CSN1S1: variants seen among roughly 807,000 people sequenced by gnomAD.
The protein encoded by CSN1S1 is alpha-S1-casein.
A neutral mutation model predicts 49.1 loss-of-function variants in CSN1S1; 63 were observed. That is an observed-to-expected ratio of 1.28 (90% CI 1.05 to 1.58). CSN1S1 has a LOEUF of 1.58. Among genes scored for constraint, CSN1S1 ranks in the 40% most tolerant of loss-of-function variants. The pLI is 0.00. For synonymous variants in CSN1S1, 78 were observed against 67.1 expected, an observed-to-expected ratio of 1.16 and a Z score of -0.79; for missense variants, 260 against 224.7, an observed-to-expected ratio of 1.16 and a Z score of -1.01.
intron 2 of CSN1S1, 52 bp downstream of exon 2, chr4:69,932,658 T>C: frequency 1.4e-6 from 2 of 1,439,564 alleles, no homozygotes; most frequent in Non-Finnish European, 1.9e-6. Flanking sequence ...AGAAATGACC[T>C]GACACTTCAT....
rs1480671930 is a variant in CSN1S1 at position 69,936,463 on chromosome 4, T to A, written c.137T>A (p.Met46Lys). 1 of 1,559,746 alleles carries A rather than the reference T, an allele frequency of 6.4e-7. No homozygotes were observed. ...TTCTTTTTTATCCCTAAGGAATACA[T>A]GAATGGTATGAACAGGGTAAGAAAC... Reference protein sequence around the residue: ...PIPLESREEYMNGMNRQRNIL... With the variant: ...PIPLESREEYKNGMNRQRNIL... Residue 46 changes from methionine (M) to lysine (K), a missense_variant, in exon 6 of 16, where the codon ATG becomes AAG. Transcript: ENST00000246891.
At chr4:69,938,654 A>G (rs1722883166) in intron 9 of CSN1S1, among the ~76,000 whole-genome samples, 1 of 151,772 alleles carries the variant, frequency 6.6e-6, no homozygotes, top group South Asian at 2.1e-4. Flanking sequence ...GTATATATAA[A>G]TATAAACATA....
chr4:69,941,141 C>A, intron 12 of CSN1S1, 81 bp downstream of exon 12: 1 of 615,262 alleles, frequency 1.6e-6, no homozygotes, highest in Non-Finnish European at 2.7e-6. Context: ...GGGGCCATTT[C>A]TAAATATATT....
chr4:69,936,631 G>A (rs1475892058), intron 7 of CSN1S1, 24 bp downstream of exon 7: 2 of 1,588,554 alleles, frequency 1.3e-6, no homozygotes, highest in South Asian at 1.1e-5. Context: ...TCTTGAAAGA[G>A]TATGGCAAAA....
intron 12 of CSN1S1, 89 bp from the exon 13 acceptor site, chr4:69,941,957 C>A: frequency 3.9e-6 from 3 of 777,144 alleles, no homozygotes; most frequent in East Asian, 2.8e-5. Context: ...TAACATTGTC[C>A]CTGAACAAAT....
intron 12 of CSN1S1, 131 bp from the exon 13 acceptor site, chr4:69,941,915 T>C (rs1722980767): frequency 2.0e-6 from 1 of 496,478 alleles, no homozygotes; most frequent in Non-Finnish European, 3.6e-6. Context: ...CTGAGAGATT[T>C]TGTAGTATTT....
intron 3 of CSN1S1, 102 bp downstream of exon 3, chr4:69,934,346 C>T: frequency 8.7e-7 from 1 of 1,150,960 alleles, no homozygotes; most frequent in East Asian, 2.4e-5. Flanking sequence ...TTCACTTTTG[C>T]TGACGCATCA....
chr4:69,941,874 C>A (rs1722978279), intron 12 of CSN1S1, among the ~76,000 whole-genome samples, 172 bp from the exon 13 acceptor site: 1 of 151,746 alleles, frequency 6.6e-6, no homozygotes, highest in South Asian at 2.1e-4. Flanking sequence ...TAGTCTGTAA[C>A]CTCCACAACT....
chr4:69,931,402 T>C (rs1194729303), intron 1 of CSN1S1, among the ~76,000 whole-genome samples: 1 of 151,916 alleles, frequency 6.6e-6, no homozygotes, highest in Admixed American at 6.6e-5. Flanking sequence ...AGGCTTGGGG[T>C]AAGCTAATTT....
intron 11 of CSN1S1, 56 bp from the exon 12 acceptor site, chr4:69,940,963 A>G: frequency 2.3e-6 from 2 of 856,032 alleles, no homozygotes; most frequent in Non-Finnish European, 3.7e-6. Context: ...TATGAAAATG[A>G]TGGGGTTGGA....
intron 14 of CSN1S1, among the ~76,000 whole-genome samples, chr4:69,944,544 C>T (rs1214548954): frequency 6.6e-6 from 1 of 151,904 alleles, no homozygotes; most frequent in Non-Finnish European, 1.5e-5. Flanking sequence ...TGCTACTACT[C>T]TCTTCTGGGC....
intron 15 of CSN1S1, among the ~76,000 whole-genome samples, chr4:69,945,249 A>G (rs1723125457): frequency 6.6e-6 from 1 of 152,000 alleles, no homozygotes; most frequent in Non-Finnish European, 1.5e-5. Context: ...TATTCTAATG[A>G]GCCTGGAAAA....
chr4:69,937,243 G>A (rs1372073895), intron 8 of CSN1S1, 99 bp downstream of exon 8: 9 of 870,862 alleles, frequency 1.0e-5, no homozygotes, highest in Non-Finnish European at 1.6e-5. Flanking sequence ...AACTATGGCA[G>A]ATAACTCTAA....
intron 15 of CSN1S1, among the ~76,000 whole-genome samples, chr4:69,945,689 T>C (rs144531070): frequency 2.0e-3 from 297 of 152,086 alleles, no homozygotes; most frequent in African/African-American, 6.9e-3. Flanking sequence ...CCTTGGTAAG[T>C]TTGGAAATTA....
At chr4:69,933,447 T>C (rs1722672172) in intron 2 of CSN1S1, among the ~76,000 whole-genome samples, 1 of 151,984 alleles carries the variant, frequency 6.6e-6, no homozygotes, top group Non-Finnish European at 1.5e-5. Flanking sequence ...AATTCTCCTT[T>C]GGAAAGTGCA....
At chr4:69,944,437 G>T (rs997983382) in intron 14 of CSN1S1, among the ~76,000 whole-genome samples, 1 of 151,812 alleles carries the variant, frequency 6.6e-6, no homozygotes, top group Non-Finnish European at 1.5e-5. Context: ...CCCTGGGTGC[G>T]GGGCCTGTAC....
At chr4:69,932,635 TTA>T in intron 2 of CSN1S1, 29 bp downstream of exon 2, 1 of 1,565,406 alleles carries the variant, frequency 6.4e-7, no homozygotes, top group Non-Finnish European at 8.7e-7. Context: ...TTAGAAAGTC[TTA>T]GACTCTTGTT....
chr4:69,932,181 G>T (rs1722630026), intron 1 of CSN1S1, among the ~76,000 whole-genome samples: 1 of 151,746 alleles, frequency 6.6e-6, no homozygotes, highest in Non-Finnish European at 1.5e-5. Context: ...TTGTCATCTA[G>T]GAGGAAAAGT....
At chr4:69,939,468 T>A (rs747481509) in intron 10 of CSN1S1, among the ~76,000 whole-genome samples, 7 of 151,792 alleles carry the variant, frequency 4.6e-5, no homozygotes, top group Non-Finnish European at 8.9e-5. Flanking sequence ...TTTAACCAAT[T>A]ACTTTGTCCT....
Sources: gnomAD v4.1 joint callset for allele counts (sites outside exome capture counted in the v4.1 genomes callset) on GRCh38, gnomAD v4.1.1 for gene constraint, MANE v1.5 for transcripts, NCBI Gene and HGNC (gene_info 2026-07-23, HGNC 2026-07-21) for gene names.